Variants in TMEM229A observed in about 807,000 individuals in gnomAD.
The protein encoded by TMEM229A is transmembrane protein 229A.
Under a neutral mutation model 30.0 loss-of-function variants are expected in TMEM229A, and 23 were observed. The ratio of observed to expected loss-of-function variants is 0.77; its 90% CI spans 0.55 to 1.09. The LOEUF is 1.09. Among genes scored for constraint, TMEM229A ranks in the 50% least tolerant of loss-of-function variants. The probability of loss-of-function intolerance (pLI) is 0.00; values close to 1 mark genes in which losing one functional copy is unlikely to be tolerated. For missense variants in TMEM229A, 534 were observed against 525.9 expected, an observed-to-expected ratio of 1.02 and a Z score of -0.15; for synonymous variants, 264 against 241.5, an observed-to-expected ratio of 1.09 and a Z score of -0.86.
chr7:124,032,336 C>A lies in TMEM229A; in HGVS notation c.668G>T (p.Arg223Leu). ...VPTAAGARRR[R>L]PRGPRGAGGA... ...CCCGGCGCCCCTGGGGCCACGGGGT[C>A]GTCGCCGCCGGGCTCCGGCCGCAGT... Residue 223 changes from arginine to leucine, a missense_variant, in exon 1 of 1, where the codon CGA becomes CTA. Arg to Leu is a moderately radical substitution (Grantham distance 102). Coordinates refer to ENST00000455783, the MANE Select transcript of TMEM229A (RefSeq NM_001136002.2). This position sits in a 1 kb window ranked among gnomAD's most constrained non-coding sequence, Gnocchi z 6.6. The A allele has an allele frequency of 1.3e-6, 2 of 1,543,036 alleles. No homozygotes were observed. The highest frequency in any genetic ancestry group is 1.7e-6 in the Non-Finnish European group (2 of 1,144,130).
In TMEM229A at chr7:124,032,566, G is replaced by A. The variant is rs1011392099; in HGVS notation, c.438C>T (p.Gly146=). The A allele has an allele frequency of 1.9e-6, 3 of 1,549,168 alleles. No individual in the cohort carries two copies. The Admixed American group carries it at 5.9e-5, about 30-fold the overall frequency. ...CTGGCGCCACCGCGACCCCCGCCCC[G>A]CCGCCCAGGCTGAGTAGTAGCGCCT... ...AGQALLLSLG[G]GAGVAVAPGA... is the part of the protein sequence containing the mutation. The change falls in exon 1 of 1, where the codon GGC becomes GGT. Residue 146 remains glycine, a synonymous_variant. Coordinates refer to ENST00000455783, the MANE Select transcript of TMEM229A (RefSeq NM_001136002.2). The surrounding 1 kb of genome is among the most constrained non-coding windows in gnomAD (Gnocchi z 6.6).
Position 124,032,160 on chromosome 7 carries a change from A to G in TMEM229A, c.844T>C (p.Phe282Leu), listed in dbSNP as rs1423146147. The G allele has an allele frequency of 3.9e-6, 6 of 1,551,830 alleles. No individual in the cohort carries two copies. The South Asian group carries it at 7.1e-5, about 18-fold the overall frequency. Residue 282 changes from phenylalanine to leucine, a missense_variant, in exon 1 of 1, where the codon TTT becomes CTT. Phe to Leu is a conservative substitution (Grantham distance 22). Transcript: ENST00000455783. This position sits in a 1 kb window ranked among gnomAD's most constrained non-coding sequence, Gnocchi z 6.6. Reference protein sequence around the residue: ...TSGHTSLWSFFMYGSCSFVVE... With the variant: ...TSGHTSLWSFLMYGSCSFVVE... ...ACGAAACTGCAGCTGCCGTACATAAAGAAGGACCAGAGCGACGTGTGGCCG... is the reference window on the plus strand; with the variant it reads ...ACGAAACTGCAGCTGCCGTACATAAGGAAGGACCAGAGCGACGTGTGGCCG...
In TMEM229A at chr7:124,032,127, T is replaced by C; in HGVS notation, c.877A>G (p.Lys293Glu). The C allele has an allele frequency of 6.4e-7, 1 of 1,551,610 alleles. No homozygotes were observed. Among genetic ancestry groups the C allele is most frequent in the Non-Finnish European group, 8.7e-7 (1 of 1,146,996 alleles). ...MYGSCSFVVE[K>E]LYFHLHYSRG... ...CTGTAGTGGAGGTGGAAGTAGAGCT[T>C]TTCCACCACGAAACTGCAGCTGCCG... is the stretch of plus-strand genomic sequence containing the variant. The change falls in exon 1 of 1, where the codon AAG becomes GAG. Residue 293 changes from lysine to glutamate, a missense_variant. Coordinates refer to ENST00000455783, the MANE Select transcript of TMEM229A (RefSeq NM_001136002.2). This position sits in a 1 kb window ranked among gnomAD's most constrained non-coding sequence, Gnocchi z 6.6.
rs767434281 is a variant in TMEM229A at position 124,031,365 on chromosome 7, A to G, written c.*496T>C. On this transcript the variant is annotated 3_prime_UTR_variant, in exon 1 of 1. Transcript: ENST00000455783. This position sits in a 1 kb window ranked among gnomAD's most constrained non-coding sequence, Gnocchi z 4.1. The stretch of plus-strand genomic sequence containing the variant: ...TACAAGACATTGAGTTTCTTCAGTC[A>G]TTGGTAAATATGGCAAGGAATTAAA... The G allele has an allele frequency of 2.6e-5, 4 of 152,492 alleles. No individual in the cohort carries two copies. Among genetic ancestry groups the G allele is most frequent in the Non-Finnish European group, 4.4e-5 (3 of 68,270 alleles). The allele number at this position is 152,492 out of a possible 1,614,324, so 9.4% of individuals were successfully genotyped here. A position where few individuals can be genotyped will look rare whatever the true frequency, so the allele number is the denominator to read the frequency against.
chr7:124,032,910 C>A lies in TMEM229A; in HGVS notation c.94G>T (p.Ala32Ser), dbSNP rs764657444. Residue 32 changes from alanine (A) to serine (S), a missense_variant, in exon 1 of 1, where the codon GCA becomes TCA. By Grantham distance (99) the Ala-to-Ser change is moderately conservative. Transcript: ENST00000455783. This position sits in a 1 kb window ranked among gnomAD's most constrained non-coding sequence, Gnocchi z 6.6. Reference protein sequence around the residue: ...GAPGGPGSEAAAGCPEPLSTA... With the variant: ...GAPGGPGSEASAGCPEPLSTA... ...GACAGCGGCTCCGGGCAGCCGGCTG[C>A]CGCCTCGCTTCCTGGCCCGCCAGGG... 32 of 1,417,946 alleles carry A rather than the reference C, an allele frequency of 2.3e-5. No homozygotes were observed. In the South Asian group the frequency reaches 4.8e-4, roughly 21 times the overall value. The allele number at this position is 1,417,946 out of a possible 1,614,324, so 87.8% of individuals were successfully genotyped here. A position where few individuals can be genotyped will look rare whatever the true frequency, so the allele number is the denominator to read the frequency against.
chr7:124,031,851 T>A lies in TMEM229A; in HGVS notation c.*10A>T. On this transcript the variant is annotated 3_prime_UTR_variant, in exon 1 of 1. Coordinates refer to ENST00000455783, the MANE Select transcript of TMEM229A (RefSeq NM_001136002.2). This position sits in a 1 kb window ranked among gnomAD's most constrained non-coding sequence, Gnocchi z 4.1. The stretch of plus-strand genomic sequence containing the variant: ...GTGACTTTTTCCTTTTCTTTCTTTC[T>A]TTTTTGGTTTTAGTTAGCTGGTACG... The A allele has an allele frequency of 6.8e-7, 1 of 1,479,598 alleles. No individual in the cohort carries two copies. The highest frequency in any genetic ancestry group is 2.5e-5 in the East Asian group (1 of 39,628). 91.7% of individuals were successfully genotyped at this position (1,479,598 alleles called of 1,614,324 possible).
Position 124,032,337 on chromosome 7 carries a change from G to A in TMEM229A, c.667C>T (p.Arg223Ter). 6.5e-7 allele frequency: 1 copy of A among 1,542,856 alleles called. No homozygotes were observed. The highest frequency in any genetic ancestry group is 1.2e-5 in the South Asian group (1 of 83,494). Residue 223 changes from arginine (R) to a stop codon, truncating the protein, a stop_gained, in exon 1 of 1, where the codon CGA becomes TGA. Transcript: ENST00000455783. LOFTEE classifies it high-confidence loss of function. The surrounding 1 kb of genome is among the most constrained non-coding windows in gnomAD (Gnocchi z 6.6). ...CCGGCGCCCCTGGGGCCACGGGGTC[G>A]TCGCCGCCGGGCTCCGGCCGCAGTA... ...VPTAAGARRR[R>*]PRGPRGAGGA...
rs895538372 is a variant in TMEM229A, at chr7:124,032,958, C to T, written c.46G>A (p.Gly16Ser). Residue 16 changes from glycine (G) to serine (S), a missense_variant, in exon 1 of 1, where the codon GGC (glycine) becomes AGC (serine). By Grantham distance (56) the Gly-to-Ser change is moderately conservative (BLOSUM62 0). Coordinates refer to ENST00000455783, the MANE Select transcript of TMEM229A (RefSeq NM_001136002.2). This position sits in a 1 kb window ranked among gnomAD's most constrained non-coding sequence, Gnocchi z 6.6. ...VDSEGPARRG[G>S]AARRPGAPGG... ...GGGGCCCCCGGACGCCGCGCCGCGC[C>T]GCCCCTCCGTGCGGGGCCCTCGCTG... 1.2e-5 allele frequency: 16 copies of T among 1,332,746 alleles called. No individual in the cohort carries two copies. The highest frequency in any genetic ancestry group is 4.6e-5 in the African/African-American group (3 of 64,518). The allele number at this position is 1,332,746 out of a possible 1,614,324, so 82.6% of individuals were successfully genotyped here. A position where few individuals can be genotyped will look rare whatever the true frequency, so the allele number is the denominator to read the frequency against.
chr7:124,033,057 C>G lies in TMEM229A; in HGVS notation c.-54G>C, dbSNP rs577602013. 1 of 1,171,306 alleles carries G rather than the reference C, an allele frequency of 8.5e-7. No homozygotes were observed. Among genetic ancestry groups the G allele is most frequent in the Non-Finnish European group, 1.1e-6 (1 of 950,028 alleles). 72.6% of individuals were successfully genotyped at this position (1,171,306 alleles called of 1,614,324 possible). On this transcript the variant is annotated 5_prime_UTR_variant, in exon 1 of 1. Transcript: ENST00000455783. ...GCTGCACCGCCGCCGCTGCCGGGTG[C>G]GCGGAGCTGCAGGGCCGAGCGGCCG... is the stretch of plus-strand genomic sequence containing the variant.
At position 124,032,400 on chromosome 7, in the gene TMEM229A, TCCG is replaced by T; in HGVS notation, c.601_603del (p.Arg202del). On this transcript the variant is annotated inframe_deletion, in exon 1 of 1. Coordinates refer to ENST00000455783, the MANE Select transcript of TMEM229A (RefSeq NM_001136002.2). The surrounding 1 kb of genome is among the most constrained non-coding windows in gnomAD (Gnocchi z 6.6). ...CCGGGAGGGACGGGGAGCGCGCCCC[TCCG>T]CTGCTGCTGCTGCTGCTGCTGCTGC... 1 of 1,535,136 alleles carries T rather than the reference TCCG, an allele frequency of 6.5e-7. No individual in the cohort carries two copies.
Position 124,032,814 on chromosome 7 carries a change from C to G in TMEM229A, c.190G>C (p.Gly64Arg). ...WMRLYFYGMH[G>R]ITLDVLVSSA... ...GACACCAGCACGTCCAGGGTGATCC[C>G]GTGCATCCCGTAGAAGTAGAGGCGC... The change falls in exon 1 of 1, where the codon GGG (glycine) becomes CGG (arginine). Residue 64 changes from glycine (G) to arginine (R), a missense_variant. By Grantham distance (125) the Gly-to-Arg change is moderately radical. Coordinates refer to ENST00000455783, the MANE Select transcript of TMEM229A (RefSeq NM_001136002.2). The surrounding 1 kb of genome is among the most constrained non-coding windows in gnomAD (Gnocchi z 6.6). 5.2e-6 allele frequency: 8 copies of G among 1,550,184 alleles called. No homozygotes were observed. Among genetic ancestry groups the G allele is most frequent in the Non-Finnish European group, 7.0e-6 (8 of 1,146,542 alleles).
chr7:124,032,764 G>A lies in TMEM229A; in HGVS notation c.240C>T (p.Ser80=). 6.4e-7 allele frequency: 1 copy of A among 1,551,322 alleles called. No individual in the cohort carries two copies. Among genetic ancestry groups the A allele is most frequent in the Admixed American group, 2.0e-5 (1 of 51,006 alleles). Residue 80 remains serine, a synonymous_variant, in exon 1 of 1, where the codon AGC becomes AGT. Transcript: ENST00000455783. The surrounding 1 kb of genome is among the most constrained non-coding windows in gnomAD (Gnocchi z 6.6). Reference sequence around the variant, plus strand: ...AGAAGCCTAGCATCCGCAGGTCCGGGCTGCGGGCGAAGCGCCGGGCCGAGG... The same window carrying A: ...AGAAGCCTAGCATCCGCAGGTCCGGACTGCGGGCGAAGCGCCGGGCCGAGG... ...LVSSARRFAR[S]PDLRMLGFSS...
Position 124,032,904 on chromosome 7 carries a change from C to G in TMEM229A, c.100G>C (p.Gly34Arg). The G allele has an allele frequency of 7.0e-7, 1 of 1,429,796 alleles. No homozygotes were observed. Among genetic ancestry groups the G allele is most frequent in the Non-Finnish European group, 9.2e-7 (1 of 1,089,694 alleles). The allele number at this position is 1,429,796 out of a possible 1,614,324, so 88.6% of individuals were successfully genotyped here. ...PGGPGSEAAA[G>R]CPEPLSTAEA... Reference sequence around the variant, plus strand: ...GCAGTGGACAGCGGCTCCGGGCAGCCGGCTGCCGCCTCGCTTCCTGGCCCG... The same window carrying G: ...GCAGTGGACAGCGGCTCCGGGCAGCGGGCTGCCGCCTCGCTTCCTGGCCCG... Residue 34 changes from glycine to arginine, a missense_variant, in exon 1 of 1, where the codon GGC (glycine) becomes CGC (arginine). By Grantham distance (125) the Gly-to-Arg change is moderately radical. Transcript: ENST00000455783. The surrounding 1 kb of genome is among the most constrained non-coding windows in gnomAD (Gnocchi z 6.6).
Position 124,032,612 on chromosome 7 carries a change from C to G in TMEM229A, c.392G>C (p.Gly131Ala), listed in dbSNP as rs1412134851. Residue 131 changes from glycine (G) to alanine (A), a missense_variant, in exon 1 of 1, where the codon GGG (glycine) becomes GCG (alanine). Transcript: ENST00000455783. The surrounding 1 kb of genome is among the most constrained non-coding windows in gnomAD (Gnocchi z 6.6). ...CGCCTGGCCCGCTAGGGTCTGCAGC[C>G]CCACGTGGGCCGAGGGGTAGAGGAG... The part of the protein sequence containing the change: ...NFLLYPSAHV[G>A]LQTLAGQALL... The G allele has an allele frequency of 1.3e-5, 20 of 1,550,862 alleles. No homozygotes were observed. The highest frequency in any genetic ancestry group is 1.6e-5 in the Non-Finnish European group (18 of 1,146,618).
In TMEM229A at chr7:124,032,300, C is replaced by T. The variant is rs766716000; in HGVS notation, c.704G>A (p.Ser235Asn). The T allele has an allele frequency of 6.4e-7, 1 of 1,550,422 alleles. No homozygotes were observed. Among genetic ancestry groups the T allele is most frequent in the African/African-American group, 1.4e-5 (1 of 73,038 alleles). The change falls in exon 1 of 1, where the codon AGC becomes AAC. Residue 235 changes from serine (S) to asparagine (N), a missense_variant. By Grantham distance (46) the Ser-to-Asn change is conservative. Transcript: ENST00000455783. This position sits in a 1 kb window ranked among gnomAD's most constrained non-coding sequence, Gnocchi z 6.6. ...RGPRGAGGAP[S>N]QGLPDLPRFL... Reference sequence around the variant, plus strand: ...GCGGGGTAGGTCGGGCAGCCCCTGGCTGGGGGCTCCCCCGGCGCCCCTGGG... The same window carrying T: ...GCGGGGTAGGTCGGGCAGCCCCTGGTTGGGGGCTCCCCCGGCGCCCCTGGG...
rs1039041758 is a variant in TMEM229A, at chr7:124,032,314, G to T, written c.690C>A (p.Ala230=). 6 of 1,549,002 alleles carry T rather than the reference G, an allele frequency of 3.9e-6. No individual in the cohort carries two copies. The African/African-American group carries it at 8.2e-5, about 21-fold the overall frequency. The change falls in exon 1 of 1, where the codon GCC becomes GCA. Residue 230 remains alanine (A), a synonymous_variant. Transcript: ENST00000455783. This position sits in a 1 kb window ranked among gnomAD's most constrained non-coding sequence, Gnocchi z 6.6. Reference sequence around the variant, plus strand: ...GCAGCCCCTGGCTGGGGGCTCCCCCGGCGCCCCTGGGGCCACGGGGTCGTC... The same window carrying T: ...GCAGCCCCTGGCTGGGGGCTCCCCCTGCGCCCCTGGGGCCACGGGGTCGTC... The part of the protein sequence containing the change: ...RRRRPRGPRG[A]GGAPSQGLPD...
chr7:124,032,046 A>ACACGTAGATGAAGAT lies in TMEM229A; in HGVS notation c.943_957dup (p.Ile315_Val319dup), dbSNP rs1793139954. The ACACGTAGATGAAGAT allele has an allele frequency of 6.4e-7, 1 of 1,551,592 alleles. No individual in the cohort carries two copies. The highest frequency in any genetic ancestry group is 2.0e-5 in the Admixed American group (1 of 50,992). ...AGTCCCAGACCCCAGGACAGCTCCCACACGTAGATGAAGATCACGTAGATG... is the reference window on the plus strand; with the variant it reads ...AGTCCCAGACCCCAGGACAGCTCCCACACGTAGATGAAGATCACGTAGATGAAGATCACGTAGATG... On this transcript the variant is annotated inframe_insertion, in exon 1 of 1. Transcript: ENST00000455783. The surrounding 1 kb of genome is among the most constrained non-coding windows in gnomAD (Gnocchi z 6.6).
In TMEM229A at chr7:124,032,967, G is replaced by C. The variant is rs1197403298; in HGVS notation, c.37C>G (p.Arg13Gly). 3 of 1,317,944 alleles carry C rather than the reference G, an allele frequency of 2.3e-6. No homozygotes were observed. The highest frequency in any genetic ancestry group is 1.6e-5 in the African/African-American group (1 of 64,324). 81.6% of individuals were successfully genotyped at this position (1,317,944 alleles called of 1,614,324 possible). ...GGACGCCGCGCCGCGCCGCCCCTCC[G>C]TGCGGGGCCCTCGCTGTCCACGTCG... ...GSDVDSEGPA[R>G]RGGAARRPGA... Residue 13 changes from arginine (R) to glycine (G), a missense_variant, in exon 1 of 1, where the codon CGG becomes GGG. Physicochemically the swap from Arg to Gly is moderately radical, Grantham distance 125. Coordinates refer to ENST00000455783, the MANE Select transcript of TMEM229A (RefSeq NM_001136002.2). This position sits in a 1 kb window ranked among gnomAD's most constrained non-coding sequence, Gnocchi z 6.6.
In TMEM229A at chr7:124,031,719, TA is replaced by T; in HGVS notation, c.*141del. 1.1e-6 allele frequency: 1 copy of T among 870,438 alleles called. No homozygotes were observed. The allele number at this position is 870,438 out of a possible 1,614,324, so 53.9% of individuals were successfully genotyped here. A position where few individuals can be genotyped will look rare whatever the true frequency, so the allele number is the denominator to read the frequency against. On this transcript the variant is annotated 3_prime_UTR_variant, in exon 1 of 1. Transcript: ENST00000455783. The surrounding 1 kb of genome is among the most constrained non-coding windows in gnomAD (Gnocchi z 4.1). ...CAAATAGAAAAACTAAAAGGTGGAA[TA>T]AAACAATTTGGAAGAGTTTAGTAAA...
Sources: gnomAD v4.1 joint callset for allele counts on GRCh38, gnomAD v4.1.1 for gene constraint, Gnocchi (gnomAD v3.1) non-coding constraint, MANE v1.5 for transcripts, NCBI Gene and HGNC (gene_info 2026-07-23, HGNC 2026-07-21) for gene names.